The following POLR2F variants were observed in gnomAD, a reference collection of about 807,000 sequenced individuals.
The protein encoded by POLR2F is RNA polymerase II, I and III subunit F.
A neutral mutation model predicts 22.7 loss-of-function variants in POLR2F; 12 were observed. That is an observed-to-expected ratio of 0.53 (90% CI 0.34 to 0.86). The LOEUF (loss-of-function observed/expected upper bound fraction) is 0.86, where lower values mean the gene tolerates loss of function less well. POLR2F is among the 40% of genes least tolerant of loss of function. The pLI is 0.02. For missense variants in POLR2F, 126 were observed against 171.5 expected (o/e 0.73, Z 1.48); for synonymous variants, 57 against 66.0 (o/e 0.86, Z 0.66).
chr22:38,027,079 T>C (rs2085019448), downstream of POLR2F, among the ~76,000 whole-genome samples: 1 of 152,132 alleles, frequency 6.6e-6, no homozygotes, highest in Non-Finnish European at 1.5e-5. Context: ...TCCCTGTCCC[T>C]GGGGACTGTG....
rs1472489820 is a variant in POLR2F at position 37,997,904 on chromosome 22, C to T, written c.120+11592C>T. ...ACACGACCCTCACAGAGTCATGGAC[C>T]GCAGGATTTGTACCATCTCCTGGCG... On this transcript the variant is annotated intron_variant, in intron 1 of 2. Transcript: ENST00000333418. This position sits in a 1 kb window ranked among gnomAD's most constrained non-coding sequence, Gnocchi z 4.4. Among the ~76,000 whole-genome samples the T allele has an allele frequency of 2.0e-5, 3 of 152,168 alleles. No homozygotes were observed. The highest frequency in any genetic ancestry group is 2.9e-5 in the Non-Finnish European group (2 of 68,034).
chr22:38,008,179 G>A (rs2084839587), intron 1 of POLR2F, among the ~76,000 whole-genome samples: 1 of 152,172 alleles, frequency 6.6e-6, no homozygotes, highest in Non-Finnish European at 1.5e-5. Context: ...GGCAGAGGTT[G>A]CAGTGAGCAG....
chr22:37,991,743 G>A (rs150509504), intron 1 of POLR2F, among the ~76,000 whole-genome samples: 7 of 152,238 alleles, frequency 4.6e-5, no homozygotes, highest in South Asian at 2.1e-4. Context: ...CCTGTTTGAC[G>A]TGTACCAGGT....
chr22:38,033,694 AGTT>A (rs2085087657), intron 5 of POLR2F, among the ~76,000 whole-genome samples: 1 of 152,134 alleles, frequency 6.6e-6, no homozygotes, highest in Non-Finnish European at 1.5e-5. Flanking sequence ...TGATTTCCTC[AGTT>A]GTTTTCCAAG....
chr22:37,960,094 G>A (rs757354437), intron 3 of POLR2F, among the ~76,000 whole-genome samples: 1 of 152,100 alleles, frequency 6.6e-6, no homozygotes, highest in African/African-American at 2.4e-5. Context: ...GAGAGCCACC[G>A]CGCCCGGCCA....
upstream of POLR2F, among the ~76,000 whole-genome samples, chr22:37,983,095 C>A (rs774325714): frequency 6.6e-5 from 10 of 152,238 alleles, no homozygotes; most frequent in Non-Finnish European, 1.3e-4. The surrounding 1 kb of genome is among the most constrained non-coding windows in gnomAD (Gnocchi z 9.5). Flanking sequence ...CACGGTCTGC[C>A]ACCCGCAAAA....
chr22:37,992,772 C>G (rs1346402244), intron 1 of POLR2F, among the ~76,000 whole-genome samples: 2 of 152,214 alleles, frequency 1.3e-5, no homozygotes, highest in Admixed American at 1.3e-4. Context: ...CCCGTCTGCT[C>G]CCAGTCACCA....
intron 3 of POLR2F, among the ~76,000 whole-genome samples, chr22:37,962,778 C>T (rs1931699541): frequency 6.6e-6 from 1 of 151,928 alleles, no homozygotes; most frequent in Non-Finnish European, 1.5e-5. Flanking sequence ...GCAAGCTCTG[C>T]CTCACGGGTT....
At chr22:38,021,981 A>G (rs1450719993) in intron 1 of POLR2F, among the ~76,000 whole-genome samples, 3 of 148,914 alleles carry the variant, frequency 2.0e-5, no homozygotes, top group African/African-American at 7.4e-5. Flanking sequence ...AAATACAAAA[A>G]TTAGCCAGGC....
intron 5 of POLR2F, among the ~76,000 whole-genome samples, chr22:38,037,241 G>A (rs907146784): frequency 1.5e-5 from 2 of 133,474 alleles, no homozygotes; most frequent in Non-Finnish European, 3.1e-5. Flanking sequence ...TTCTGCTAAT[G>A]AGCAACCTTA....
intron 3 of POLR2F, among the ~76,000 whole-genome samples, chr22:37,966,670 C>T (rs1669220596): frequency 6.6e-6 from 1 of 151,948 alleles, no homozygotes; most frequent in Non-Finnish European, 1.5e-5. Context: ...TAGTCCCAAG[C>T]AGGAGAATTG....
At chr22:38,007,313 G>A (rs1258676124) in intron 1 of POLR2F, among the ~76,000 whole-genome samples, 1 of 152,212 alleles carries the variant, frequency 6.6e-6, no homozygotes, top group Non-Finnish European at 1.5e-5. Flanking sequence ...GGGAGAGTGG[G>A]CTCAGCCATA....
chr22:37,956,160 G>T (rs923412634), intron 1 of POLR2F, among the ~76,000 whole-genome samples: 3 of 151,794 alleles, frequency 2.0e-5, no homozygotes, highest in Non-Finnish European at 4.4e-5. Context: ...CGTGATCTCA[G>T]CTCACCACAA....
At chr22:37,972,371 A>C, downstream of POLR2F, 1 of 517,410 alleles carries the variant, frequency 1.9e-6, no homozygotes, top group South Asian at 1.7e-5. Context: ...TAGGGGCTAG[A>C]GTGGCTAGGA....
chr22:37,966,423 G>GT (rs1265293766), intron 3 of POLR2F, among the ~76,000 whole-genome samples: 4 of 151,808 alleles, frequency 2.6e-5, no homozygotes, highest in African/African-American at 9.7e-5. Context: ...CAGGTGAAGG[G>GT]TGGGGAGGGC....
rs185767459 is a variant in POLR2F at position 38,014,765 on chromosome 22, G to C, written c.121-11104G>C. On this transcript the variant is annotated intron_variant, in intron 1 of 2. Coordinates refer to the POLR2F transcript ENST00000333418. ...CCCAAAGTGCTGGGGTTACAGGTGT[G>C]AGCCACTGGGCCTGGCTCACACCTG... Among the ~76,000 whole-genome samples the C allele has an allele frequency of 8.7e-5, 13 of 150,252 alleles. No homozygotes were observed. The East Asian group carries it at 2.6e-3, about 30-fold the overall frequency.
intron 5 of POLR2F, among the ~76,000 whole-genome samples, chr22:38,039,753 G>C (rs979176423): frequency 6.6e-6 from 1 of 152,218 alleles, no homozygotes; most frequent in Non-Finnish European, 1.5e-5. Context: ...CCGAGCACCC[G>C]GAACTGGACG....
rs1286252677 is a variant in POLR2F at position 38,016,264 on chromosome 22, G to A, written c.121-9605G>A. On this transcript the variant is annotated intron_variant, in intron 1 of 2. Coordinates refer to the POLR2F transcript ENST00000333418. This position sits in a 1 kb window ranked among gnomAD's most constrained non-coding sequence, Gnocchi z 4.4. ...CAAAGTGGGCTCTGACCACACCCTT[G>A]GGGGTCATTTCAGAAGGCCTCCTCC... is the stretch of plus-strand genomic sequence containing the variant. 6.6e-6 allele frequency among the ~76,000 whole-genome samples: 1 copy of A among 152,178 alleles called. No individual in the cohort carries two copies. The highest frequency in any genetic ancestry group is 1.5e-5 in the Non-Finnish European group (1 of 68,040).
intron 4 of POLR2F, among the ~76,000 whole-genome samples, chr22:37,977,146 C>T (rs1042946240): frequency 3.4e-5 from 5 of 145,316 alleles, no homozygotes; most frequent in African/African-American, 1.0e-4. Flanking sequence ...CTAGCCTGGG[C>T]GACAGAGTGA....
Sources: gnomAD v4.1 joint callset for allele counts (sites outside exome capture counted in the v4.1 genomes callset) on GRCh38, gnomAD v4.1.1 for gene constraint, Gnocchi (gnomAD v3.1) non-coding constraint, MANE v1.5 for transcripts, NCBI Gene and HGNC (gene_info 2026-07-23, HGNC 2026-07-21) for gene names.